The following CPNE4 variants were observed in gnomAD, a reference collection of about 807,000 sequenced individuals.
CPNE4 encodes copine 4.
In CPNE4, 25 loss-of-function variants were observed where a neutral mutation model predicts 67.9. That is an observed-to-expected ratio of 0.37 (90% CI 0.27 to 0.51). CPNE4 has a LOEUF of 0.51. Among genes scored for constraint, CPNE4 ranks in the 20% least tolerant of loss-of-function variants. The probability of loss-of-function intolerance (pLI) is 0.93; values close to 1 mark genes in which losing one functional copy is unlikely to be tolerated. For missense variants in CPNE4, 464 were observed against 690.8 expected (o/e 0.67, Z 3.68); for synonymous variants, 242 against 244.9 (o/e 0.99, Z 0.11).
intron 7 of CPNE4, among the ~76,000 whole-genome samples, chr3:131,643,684 T>C (rs1177641845): frequency 1.3e-5 from 2 of 152,312 alleles, no homozygotes; most frequent in East Asian, 1.9e-4. Context: ...GTAGTTTCCA[T>C]AATCCCCATG....
intron 1 of CPNE4, among the ~76,000 whole-genome samples, chr3:131,975,171 G>A (rs994188735): frequency 2.0e-5 from 3 of 152,108 alleles, no homozygotes; most frequent in African/African-American, 4.8e-5. Flanking sequence ...AGAGAGAACC[G>A]CCTGTCAAAT....
At chr3:131,567,336 T>C (rs1937110196) in intron 10 of CPNE4, among the ~76,000 whole-genome samples, 1 of 151,956 alleles carries the variant, frequency 6.6e-6, no homozygotes, top group Admixed American at 6.6e-5. Context: ...TGGATGAATA[T>C]GTTATATCTA....
intron 2 of CPNE4, among the ~76,000 whole-genome samples, chr3:131,865,186 G>T (rs568380363): frequency 2.3e-4 from 35 of 152,146 alleles, no homozygotes; most frequent in Middle Eastern, 3.4e-3. Flanking sequence ...TTGTGTCTCT[G>T]CCAGGCTTTG....
chr3:131,936,255 G>GA (rs1281013078), intron 1 of CPNE4, among the ~76,000 whole-genome samples: 1 of 151,876 alleles, frequency 6.6e-6, no homozygotes, highest in African/African-American at 2.4e-5. Context: ...TCCTGGGAGG[G>GA]AAAAAAGTGA....
intron 6 of CPNE4, among the ~76,000 whole-genome samples, chr3:131,673,657 A>T (rs1202962383): frequency 6.6e-6 from 1 of 151,882 alleles, no homozygotes; most frequent in Non-Finnish European, 1.5e-5. Flanking sequence ...CTGATTTTTT[A>T]TGTTGATTTT....
chr3:131,601,472 T>C (rs144500952), intron 7 of CPNE4, among the ~76,000 whole-genome samples: 7 of 152,256 alleles, frequency 4.6e-5, no homozygotes, highest in African/African-American at 1.7e-4. Flanking sequence ...CTGGGAGTGT[T>C]CACTGCAGAT....
intron 2 of CPNE4, among the ~76,000 whole-genome samples, chr3:131,835,278 C>T (rs2108004810): frequency 6.6e-6 from 1 of 152,272 alleles, no homozygotes; most frequent in South Asian, 2.1e-4. Flanking sequence ...CCTGTAATCC[C>T]AGCACTTTGG....
At chr3:131,579,883 A>T (rs1376302447) in intron 9 of CPNE4, among the ~76,000 whole-genome samples, 1 of 152,216 alleles carries the variant, frequency 6.6e-6, no homozygotes, top group Non-Finnish European at 1.5e-5. Context: ...TGAAATGACA[A>T]GAAATAATTT....
intron 1 of CPNE4, among the ~76,000 whole-genome samples, chr3:132,028,831 G>A (rs1432717665): frequency 1.3e-5 from 2 of 150,752 alleles, no homozygotes; most frequent in African/African-American, 2.4e-5. Flanking sequence ...TTTAGTACTA[G>A]AAAAAAAAGA....
chr3:131,618,423 A>G (rs1277022234), intron 7 of CPNE4, among the ~76,000 whole-genome samples: 2 of 152,180 alleles, frequency 1.3e-5, no homozygotes, highest in Non-Finnish European at 2.9e-5. Context: ...CTATTCTTTT[A>G]GCAATTTTGA....
chr3:131,614,117 T>C (rs1392690283), intron 7 of CPNE4, among the ~76,000 whole-genome samples: 1 of 152,000 alleles, frequency 6.6e-6, no homozygotes, highest in Non-Finnish European at 1.5e-5. Flanking sequence ...GGGTAAGGGG[T>C]GGATCAAAAG....
At chr3:131,666,032 G>T (rs536840072) in intron 7 of CPNE4, among the ~76,000 whole-genome samples, 2 of 151,988 alleles carry the variant, frequency 1.3e-5, no homozygotes, top group South Asian at 4.2e-4. Context: ...AAAGCTCAAT[G>T]AAAAAAACAG....
intron 7 of CPNE4, among the ~76,000 whole-genome samples, chr3:131,635,730 G>C (rs2079361730): frequency 6.6e-6 from 1 of 152,210 alleles, no homozygotes; most frequent in Non-Finnish European, 1.5e-5. Flanking sequence ...GAGGGATGAA[G>C]ATGGCAGACA....
chr3:131,706,570 A>T (rs2107713695), intron 3 of CPNE4, among the ~76,000 whole-genome samples: 1 of 152,306 alleles, frequency 6.6e-6, no homozygotes, highest in East Asian at 1.9e-4. Context: ...TAAGAAAACT[A>T]GTTTAGGCTA....
chr3:131,829,520 T>C (rs2085292496), intron 2 of CPNE4, among the ~76,000 whole-genome samples: 1 of 152,180 alleles, frequency 6.6e-6, no homozygotes, highest in Non-Finnish European at 1.5e-5. Flanking sequence ...CGAAGGTTAG[T>C]AAATACTTGT....
chr3:132,012,205 G>A (rs181313445), intron 1 of CPNE4, among the ~76,000 whole-genome samples: 1 of 133,524 alleles, frequency 7.5e-6, no homozygotes, highest in Non-Finnish European at 1.5e-5. Flanking sequence ...GTCTCGCTCT[G>A]TCACCCAGGC....
At chr3:131,623,651 G>A (rs1443856988) in intron 7 of CPNE4, among the ~76,000 whole-genome samples, 1 of 152,176 alleles carries the variant, frequency 6.6e-6, no homozygotes, top group Admixed American at 6.5e-5. Flanking sequence ...ATCCTGGTGT[G>A]GAGCAGTGTG....
At chr3:131,732,370 C>T (rs2082147899) in intron 2 of CPNE4, among the ~76,000 whole-genome samples, 1 of 152,210 alleles carries the variant, frequency 6.6e-6, no homozygotes, top group African/African-American at 2.4e-5. Context: ...ATCCATTCTC[C>T]TTTACATCCC....
intron 5 of CPNE4, among the ~76,000 whole-genome samples, chr3:131,687,983 T>A (rs1222597002): frequency 1.3e-5 from 2 of 152,150 alleles, no homozygotes; most frequent in Admixed American, 1.3e-4. Context: ...GGGGAGGAAT[T>A]GGAGACAATG....
Sources: gnomAD v4.1 joint callset for allele counts (sites outside exome capture counted in the v4.1 genomes callset) on GRCh38, gnomAD v4.1.1 for gene constraint, MANE v1.5 for transcripts, NCBI Gene and HGNC (gene_info 2026-07-23, HGNC 2026-07-21) for gene names.